The following PITPNB variants were observed in gnomAD, a reference collection of about 807,000 sequenced individuals.
PITPNB encodes the protein phosphatidylinositol transfer protein beta isoform.
In PITPNB, 16 loss-of-function variants were observed where a neutral mutation model predicts 45.9. That is an observed-to-expected ratio of 0.35 (90% CI 0.24 to 0.53). The LOEUF (loss-of-function observed/expected upper bound fraction) is 0.53, where lower values mean the gene tolerates loss of function less well. Among genes scored for constraint, PITPNB ranks in the 20% least tolerant of loss-of-function variants. The pLI is 0.93. For missense variants in PITPNB, 188 were observed against 330.5 expected, an observed-to-expected ratio of 0.57 and a Z score of 3.34; for synonymous variants, 112 against 108.9, an observed-to-expected ratio of 1.03 and a Z score of -0.18.
chr22:27,902,177 C>G (rs1935614182), intron 3 of PITPNB, among the ~76,000 whole-genome samples: 2 of 152,074 alleles, frequency 1.3e-5, no homozygotes, highest in Non-Finnish European at 2.9e-5. Context: ...GAAGGCCTCT[C>G]TGAGGAAATA....
intron 3 of PITPNB, among the ~76,000 whole-genome samples, chr22:27,908,777 G>C (rs541765114): frequency 1.3e-5 from 2 of 152,152 alleles, no homozygotes; most frequent in African/African-American, 2.4e-5. Context: ...GATATACTTA[G>C]GGTACTAACA....
At chr22:27,890,343 T>C (rs1935237376) in intron 7 of PITPNB, among the ~76,000 whole-genome samples, 1 of 148,762 alleles carries the variant, frequency 6.7e-6, no homozygotes, top group Admixed American at 6.7e-5. Flanking sequence ...CAGAGAAATA[T>C]GCATACTGGA....
At chr22:27,872,081 G>GTTTTTTTT (rs58288724) in intron 8 of PITPNB, among the ~76,000 whole-genome samples, 2 of 64,364 alleles carry the variant, frequency 3.1e-5, no homozygotes, top group Non-Finnish European at 5.6e-5. Context: ...ATTAAGCCTG[G>GTTTTTTTT]TTTTTTTTTT....
chr22:27,868,492 T>C (rs1757365254), intron 8 of PITPNB, among the ~76,000 whole-genome samples: 1 of 152,218 alleles, frequency 6.6e-6, no homozygotes, highest in South Asian at 2.1e-4. Context: ...AATTAACATC[T>C]CTATAATGCA....
intron 3 of PITPNB, among the ~76,000 whole-genome samples, chr22:27,905,441 C>T (rs1187202275): frequency 6.6e-6 from 1 of 152,204 alleles, no homozygotes. Context: ...AGCCACCACA[C>T]CCAGCCTATT....
chr22:27,880,049 G>C (rs979563204), intron 7 of PITPNB, among the ~76,000 whole-genome samples: 2 of 152,150 alleles, frequency 1.3e-5, no homozygotes, highest in Non-Finnish European at 2.9e-5. Context: ...ACACACTTAT[G>C]TGTCAGGCCC....
At chr22:27,903,390 A>T (rs1414413950) in intron 3 of PITPNB, among the ~76,000 whole-genome samples, 2 of 149,174 alleles carry the variant, frequency 1.3e-5, no homozygotes, top group Non-Finnish European at 3.0e-5. Context: ...AAGCTCTTGA[A>T]CCCGGAAGGC....
chr22:27,858,091 T>C (rs1189733399), intron 10 of PITPNB, among the ~76,000 whole-genome samples: 2 of 152,216 alleles, frequency 1.3e-5, no homozygotes, highest in East Asian at 3.8e-4. Context: ...GGAACCAGCC[T>C]ACAGAACTAA....
At chr22:27,886,102 C>T (rs1384430044) in intron 7 of PITPNB, among the ~76,000 whole-genome samples, 4 of 152,190 alleles carry the variant, frequency 2.6e-5, no homozygotes, top group East Asian at 1.9e-4. Flanking sequence ...AGCAGAAGGA[C>T]GCTTCCCTCT....
intron 7 of PITPNB, among the ~76,000 whole-genome samples, chr22:27,890,922 A>G (rs1186667708): frequency 6.6e-6 from 1 of 152,254 alleles, no homozygotes; most frequent in Middle Eastern, 3.2e-3. Context: ...GACACACACT[A>G]CGAAGATGAA....
At chr22:27,898,429 T>G (rs182958644) in intron 3 of PITPNB, among the ~76,000 whole-genome samples, 379 of 151,454 alleles carry the variant, frequency 2.5e-3, no homozygotes, top group African/African-American at 7.9e-3. Context: ...GTGTGTGGTT[T>G]TTTTTTTTTT....
At chr22:27,867,256 G>A (rs1056982470) in intron 8 of PITPNB, among the ~76,000 whole-genome samples, 1 of 151,932 alleles carries the variant, frequency 6.6e-6, no homozygotes. Context: ...TGGAGGAGGT[G>A]GGGGGAAGGA....
intron 8 of PITPNB, among the ~76,000 whole-genome samples, chr22:27,866,043 T>G (rs1934474557): frequency 6.6e-6 from 1 of 152,128 alleles, no homozygotes; most frequent in Admixed American, 6.6e-5. Flanking sequence ...ATAAAATGAT[T>G]TTGCTAATAA....
Position 27,879,071 on chromosome 22 carries a change from C to G in PITPNB, c.457-5256G>C, listed in dbSNP as rs551905446. 3.3e-5 allele frequency among the ~76,000 whole-genome samples: 5 copies of G among 152,102 alleles called. No individual in the cohort carries two copies. In the East Asian group the frequency reaches 9.7e-4, roughly 29 times the overall value. On this transcript the variant is annotated intron_variant, in intron 7 of 11. Coordinates refer to ENST00000335272, the MANE Select transcript of PITPNB (RefSeq NM_012399.5). ...TAATCTTTCTGATCTCAAAGAGACC[C>G]TCCATAGAGTCCTGAGATGGTGGGG... is the stretch of plus-strand genomic sequence containing the variant.
chr22:27,901,378 C>T (rs929611385), intron 3 of PITPNB, among the ~76,000 whole-genome samples: 12 of 152,174 alleles, frequency 7.9e-5, no homozygotes, highest in Non-Finnish European at 1.3e-4. Context: ...GTAAACCACA[C>T]AAGCAAGACA....
rs1263921143 is a variant in PITPNB, at chr22:27,853,343, T to C, written c.*359A>G. 1 of 399,954 alleles carries C rather than the reference T, an allele frequency of 2.5e-6. No individual in the cohort carries two copies. Among genetic ancestry groups the C allele is most frequent in the African/African-American group, 2.1e-5 (1 of 48,778 alleles). 24.8% of individuals were successfully genotyped at this position (399,954 alleles called of 1,614,324 possible). ...TATTAAAATCTGTTCCAGGTATATA[T>C]ATTGAAAATATTTTCTTTTGCATTC... On this transcript the variant is annotated 3_prime_UTR_variant, in exon 12 of 12. Transcript: ENST00000335272.
intron 1 of PITPNB, among the ~76,000 whole-genome samples, chr22:27,916,870 A>G (rs757229025): frequency 8.5e-5 from 13 of 152,224 alleles, no homozygotes; most frequent in Non-Finnish European, 1.8e-4. Flanking sequence ...TTAGTTACCA[A>G]TATCTTCACA....
intron 7 of PITPNB, among the ~76,000 whole-genome samples, chr22:27,890,786 C>T (rs1186313894): frequency 1.3e-5 from 2 of 152,188 alleles, no homozygotes; most frequent in East Asian, 3.9e-4. Context: ...TGCACTCCAG[C>T]CTGGGCGACA....
intron 8 of PITPNB, chr22:27,860,445 T>C: frequency 2.2e-6 from 1 of 462,512 alleles, no homozygotes; most frequent in Non-Finnish European, 3.9e-6. Context: ...ACAGACCAAG[T>C]TACTTCCTAG....
Sources: allele counts gnomAD v4.1 joint callset (sites outside exome capture counted in the v4.1 genomes callset), GRCh38; gene constraint gnomAD v4.1.1; transcripts MANE v1.5; gene names NCBI Gene and HGNC (gene_info 2026-07-23, HGNC 2026-07-21).